Variants in SEM1 observed in about 807,000 individuals in gnomAD.
The protein encoded by SEM1 is 26S proteasome complex subunit SEM1.
Under a neutral mutation model 12.7 loss-of-function variants are expected in SEM1, and 3 were observed. The ratio of observed to expected loss-of-function variants is 0.24; its 90% CI spans 0.11 to 0.61. SEM1 has a LOEUF of 0.61. Ranked by LOEUF, SEM1 falls within the 20% of genes least tolerant of loss-of-function variation. SEM1 has a pLI of 0.88. For synonymous variants in SEM1, 30 were observed against 27.8 expected (o/e 1.08, Z -0.25); for missense variants, 59 against 81.3 (o/e 0.73, Z 1.06).
At chr7:96,548,714 T>C (rs1031421068) in intron 2 of SEM1, among the ~76,000 whole-genome samples, 3 of 152,168 alleles carry the variant, frequency 2.0e-5, no homozygotes, top group Non-Finnish European at 4.4e-5. Context: ...ATAAACTCTT[T>C]GAGCACAGGT....
At chr7:96,550,550 A>G (rs1247640630) in intron 2 of SEM1, among the ~76,000 whole-genome samples, 1 of 152,192 alleles carries the variant, frequency 6.6e-6, no homozygotes, top group Non-Finnish European at 1.5e-5. Context: ...TGATATTGCA[A>G]TGTACTGGTA....
rs569548364 is a variant in SEM1, at chr7:96,551,615, G to T, written c.171-44917C>A. ...AGCCATTCAGGAGGCCGAGGCAAGAGAATTGCTTGAAACTGGGAGGCGGAG... is the reference window on the plus strand; with the variant it reads ...AGCCATTCAGGAGGCCGAGGCAAGATAATTGCTTGAAACTGGGAGGCGGAG... On this transcript the variant is annotated intron_variant and NMD_transcript_variant, in intron 2 of 3. Coordinates refer to the SEM1 transcript ENST00000466986. Among the ~76,000 whole-genome samples the T allele has an allele frequency of 2.7e-5, 4 of 147,952 alleles. No individual in the cohort carries two copies. The East Asian group carries it at 8.1e-4, about 30-fold the overall frequency.
At chr7:96,616,138 G>A (rs1807713632) in intron 2 of SEM1, among the ~76,000 whole-genome samples, 1 of 152,054 alleles carries the variant, frequency 6.6e-6, no homozygotes, top group South Asian at 2.1e-4. Context: ...CATAGAGATT[G>A]TACTAACTTA....
intron 2 of SEM1, among the ~76,000 whole-genome samples, chr7:96,594,533 A>C (rs781405215): frequency 2.1e-4 from 32 of 152,196 alleles, no homozygotes; most frequent in Admixed American, 3.3e-4. Flanking sequence ...CTTATCTCTT[A>C]AAGGCCCAAA....
chr7:96,626,046 A>T (rs954468818), intron 2 of SEM1, among the ~76,000 whole-genome samples: 2 of 152,150 alleles, frequency 1.3e-5, no homozygotes, highest in Non-Finnish European at 2.9e-5. Context: ...CAGTTATTTT[A>T]AAATGTATGA....
chr7:96,570,608 G>T (rs1805991723), intron 2 of SEM1, among the ~76,000 whole-genome samples: 1 of 152,098 alleles, frequency 6.6e-6, no homozygotes, highest in East Asian at 1.9e-4. Flanking sequence ...TGGGCATTTG[G>T]GTTGGTTCCA....
chr7:96,529,127 T>G (rs1397381438), intron 2 of SEM1, among the ~76,000 whole-genome samples: 1 of 152,100 alleles, frequency 6.6e-6, no homozygotes, highest in East Asian at 1.9e-4. Flanking sequence ...TTACTCCATG[T>G]CCCAGGGTTT....
chr7:96,504,067 T>C (rs1403247320), intron 3 of SEM1, among the ~76,000 whole-genome samples: 1 of 152,096 alleles, frequency 6.6e-6, no homozygotes, highest in African/African-American at 2.4e-5. Context: ...CCTTTAAGGG[T>C]CTGATGAAGC....
At chr7:96,567,923 C>T (rs1162522334) in intron 2 of SEM1, among the ~76,000 whole-genome samples, 1 of 150,664 alleles carries the variant, frequency 6.6e-6, no homozygotes, top group African/African-American at 2.5e-5. Context: ...CACACATACA[C>T]ACACACATGC....
downstream of SEM1, chr7:96,672,488 G>A (rs1352757889): frequency 6.6e-6 from 1 of 152,038 alleles, no homozygotes; most frequent in Non-Finnish European, 1.5e-5. Flanking sequence ...ATCACTTCCT[G>A]GATGGTGTCT....
At chr7:96,693,760 T>G (rs1027616633) in intron 2 of SEM1, among the ~76,000 whole-genome samples, 2 of 139,564 alleles carry the variant, frequency 1.4e-5, no homozygotes, top group African/African-American at 5.4e-5. Context: ...ACAATTCCAC[T>G]TGTGTGTGTG....
At chr7:96,512,611 C>T (rs1201950578) in intron 2 of SEM1, among the ~76,000 whole-genome samples, 1 of 152,118 alleles carries the variant, frequency 6.6e-6, no homozygotes, top group Non-Finnish European at 1.5e-5. Flanking sequence ...TTGAGTAAAG[C>T]TCTCACAGGA....
In SEM1 at chr7:96,535,178, A is replaced by G. The variant is rs182471321; in HGVS notation, c.171-28480T>C. Reference sequence around the variant, plus strand: ...AGACTAAATTTCTAAAATTTTGTGTACCTTAATAAGCAAGCTCTGTAAAGT... The same window carrying G: ...AGACTAAATTTCTAAAATTTTGTGTGCCTTAATAAGCAAGCTCTGTAAAGT... On this transcript the variant is annotated intron_variant and NMD_transcript_variant, in intron 2 of 3. Coordinates refer to the SEM1 transcript ENST00000466986. 2.1e-3 allele frequency among the ~76,000 whole-genome samples: 317 copies of G among 152,104 alleles called. 8 individuals carry two copies. Among genetic ancestry groups the G allele is most frequent in the Admixed American group, 0.02 (312 of 15,234 alleles).
At chr7:96,553,905 C>T (rs1290784597) in intron 2 of SEM1, among the ~76,000 whole-genome samples, 2 of 152,050 alleles carry the variant, frequency 1.3e-5, no homozygotes, top group Admixed American at 6.5e-5. Flanking sequence ...TGAAGAGGTC[C>T]TTCACATCCC....
chr7:96,551,064 C>T (rs1299305678), intron 2 of SEM1, among the ~76,000 whole-genome samples: 1 of 151,876 alleles, frequency 6.6e-6, no homozygotes, highest in Non-Finnish European at 1.5e-5. Context: ...TGAGGAAATG[C>T]TTATGAAGAA....
chr7:96,516,577 C>T (rs946335858), intron 2 of SEM1, among the ~76,000 whole-genome samples: 3 of 152,148 alleles, frequency 2.0e-5, no homozygotes, highest in Non-Finnish European at 4.4e-5. Context: ...AGAACACTGA[C>T]AACATCAGAT....
chr7:96,666,687 T>A (rs1789181896), intron 2 of SEM1, among the ~76,000 whole-genome samples: 1 of 151,062 alleles, frequency 6.6e-6, no homozygotes, highest in Admixed American at 6.6e-5. Context: ...GCTCAATCTC[T>A]GTGATGCCTG....
chr7:96,673,032 ATTGT>A (rs1343422987), downstream of SEM1: 1 of 30,282 alleles, frequency 3.3e-5, no homozygotes, highest in Non-Finnish European at 1.0e-4. Flanking sequence ...TATAAAATTA[ATTGT>A]TTGTCTTTTA....
chr7:96,511,704 A>T lies in SEM1; in HGVS notation c.171-5006T>A, dbSNP rs188715718. Among the ~76,000 whole-genome samples the T allele has an allele frequency of 1.7e-3, 266 of 152,274 alleles. 1 individual carries two copies. Among genetic ancestry groups the T allele is most frequent in the African/African-American group, 6.1e-3 (255 of 41,566 alleles). ...GGTTCTTACATCAAGGACCATCTAA[A>T]AAAGGGGTTAAAATTGATGGTAGCA... On this transcript the variant is annotated intron_variant and NMD_transcript_variant, in intron 2 of 3. Transcript: ENST00000466986.
Sources: allele counts gnomAD v4.1 joint callset (sites outside exome capture counted in the v4.1 genomes callset), GRCh38; gene constraint gnomAD v4.1.1; transcripts MANE v1.5; gene names NCBI Gene and HGNC (gene_info 2026-07-23, HGNC 2026-07-21).